The following PRL variants were observed in gnomAD, a reference collection of about 807,000 sequenced individuals.
The protein encoded by PRL is decidual prolactin.
PRL carries 24 observed loss-of-function variants against 21.3 expected under a neutral mutation model. The observed-to-expected ratio is 1.13, with a 90% confidence interval of 0.82 to 1.59. The LOEUF is 1.59. Ranked by LOEUF, PRL falls within the 40% of genes most tolerant of loss-of-function variation. The pLI, the probability that PRL is intolerant of heterozygous loss-of-function variation, is 0.00. For synonymous variants in PRL, 118 were observed against 115.7 expected (o/e 1.02, Z -0.13); for missense variants, 243 against 286.9 (o/e 0.85, Z 1.10).
chr6:22,294,983 G>T (rs1016953071), intron 1 of PRL, among the ~76,000 whole-genome samples: 4 of 151,900 alleles, frequency 2.6e-5, no homozygotes, highest in South Asian at 2.1e-4. Context: ...TTTTAACTAG[G>T]TGTGTCTGAT....
chr6:22,297,455 G>GA (rs2113517506), upstream of PRL: 1 of 154,842 alleles, frequency 6.5e-6, no homozygotes, highest in African/African-American at 2.4e-5. Context: ...GCTAGGTAAA[G>GA]ATTTTAAAAT....
chr6:22,297,809 G>A (rs1427849947), upstream of PRL, among the ~76,000 whole-genome samples: 1 of 152,206 alleles, frequency 6.6e-6, no homozygotes, highest in Non-Finnish European at 1.5e-5. Flanking sequence ...CAGTGCAAAA[G>A]TAATTGAGGT....
chr6:22,292,223 A>T (rs1345180879), intron 3 of PRL, among the ~76,000 whole-genome samples: 1 of 152,212 alleles, frequency 6.6e-6, no homozygotes, highest in Non-Finnish European at 1.5e-5. Context: ...ATGTATATTT[A>T]CTCACAGAAG....
At chr6:22,302,637 C>T (rs1299449914) in intron 1 of PRL, among the ~76,000 whole-genome samples, 1 of 152,040 alleles carries the variant, frequency 6.6e-6, no homozygotes, top group Non-Finnish European at 1.5e-5. Context: ...ACCAAAGAAA[C>T]AGAGAAATGT....
chr6:22,289,078 G>A (rs1760992738), intron 4 of PRL, among the ~76,000 whole-genome samples: 1 of 152,098 alleles, frequency 6.6e-6, no homozygotes, highest in African/African-American at 2.4e-5. Flanking sequence ...ACTTAAATAA[G>A]TGGTAGAGAA....
rs1165300996 is a variant in PRL, at chr6:22,292,589, G to A, written c.261C>T (p.His87=). The A allele has an allele frequency of 6.2e-7, 1 of 1,614,132 alleles. No homozygotes were observed. Among genetic ancestry groups the A allele is most frequent in the Non-Finnish European group, 8.5e-7 (1 of 1,180,022 alleles). Residue 87 remains histidine (H), a synonymous_variant, in exon 3 of 5, where the codon CAC becomes CAT. Transcript: ENST00000306482. ...CTTCGGGGGTGGCAAGGGAAGAAGT[G>A]TGGCAGCTGTTGATGGCCTTGGTAA... ...GFITKAINSC[H]TSSLATPEDK... is the part of the protein sequence containing the mutation.
chr6:22,289,116 A>C (rs1344222600), intron 4 of PRL, among the ~76,000 whole-genome samples: 2 of 152,212 alleles, frequency 1.3e-5, no homozygotes, highest in African/African-American at 4.8e-5. Context: ...AGTACTATAG[A>C]ACAAATTAGT....
Position 22,294,456 on chromosome 6 carries a change from G to A in PRL, c.157C>T (p.Leu53=). The A allele has an allele frequency of 6.2e-7, 1 of 1,614,206 alleles. No homozygotes were observed. The highest frequency in any genetic ancestry group is 8.5e-7 in the Non-Finnish European group (1 of 1,180,044). ...LRDLFDRAVV[L]SHYIHNLSSE... ...GAGAGGTTATGGATGTAGTGGGACA[G>A]GACGACGGCGCGGTCAAACAGGTCT... The change falls in exon 2 of 5, where the codon CTG becomes TTG. Residue 53 remains leucine (L), a synonymous_variant. Coordinates refer to ENST00000306482, the MANE Select transcript of PRL (RefSeq NM_000948.6).
upstream of PRL, among the ~76,000 whole-genome samples, chr6:22,301,241 A>G (rs1761276680): frequency 6.6e-6 from 1 of 152,172 alleles, no homozygotes; most frequent in African/African-American, 2.4e-5. Flanking sequence ...TCTGTTAATC[A>G]TCTCTTATTG....
chr6:22,294,092 C>T (rs928814884), intron 2 of PRL, among the ~76,000 whole-genome samples: 5 of 152,130 alleles, frequency 3.3e-5, no homozygotes, highest in African/African-American at 1.2e-4. Flanking sequence ...CATTCAAGAA[C>T]AAGAAATCAA....
At chr6:22,299,153 C>A (rs1369229588), upstream of PRL, among the ~76,000 whole-genome samples, 2 of 152,192 alleles carry the variant, frequency 1.3e-5, no homozygotes, top group African/African-American at 4.8e-5. Flanking sequence ...TCTTGCCAGG[C>A]TTTCTCTTTA....
chr6:22,293,046 A>G (rs1761087942), intron 2 of PRL, among the ~76,000 whole-genome samples: 1 of 152,208 alleles, frequency 6.6e-6, no homozygotes, highest in Non-Finnish European at 1.5e-5. Flanking sequence ...ATTTACATGT[A>G]TTCATTTAAT....
At chr6:22,289,079 T>C (rs1311971220) in intron 4 of PRL, among the ~76,000 whole-genome samples, 2 of 152,004 alleles carry the variant, frequency 1.3e-5, no homozygotes, top group Non-Finnish European at 2.9e-5. Flanking sequence ...CTTAAATAAG[T>C]GGTAGAGAAA....
intron 1 of PRL, among the ~76,000 whole-genome samples, chr6:22,296,144 A>G (rs954615274): frequency 2.6e-5 from 4 of 152,234 alleles, no homozygotes; most frequent in African/African-American, 9.6e-5. Context: ...ACAACTGGAT[A>G]GATGTTCTGT....
chr6:22,300,645 T>G (rs1174686080), upstream of PRL, among the ~76,000 whole-genome samples: 2 of 152,258 alleles, frequency 1.3e-5, no homozygotes, highest in Non-Finnish European at 2.9e-5. Flanking sequence ...GACATGCTTT[T>G]GTTTTTTTGG....
rs969078205 is a variant in PRL, at chr6:22,287,515, A to T, written c.571T>A (p.Ser191Thr). The stretch of plus-strand genomic sequence containing the variant: ...AGGTTATAATAAGCAGAAAGGCGAG[A>T]CTCTTCATCAGCCATCTGCAGGGAT... ...LPSLQMADEE[S>T]RLSAYYNLLH... The change falls in exon 5 of 5, where the codon TCT (serine) becomes ACT (threonine). Residue 191 changes from serine to threonine, a missense_variant. By Grantham distance (58) the Ser-to-Thr change is moderately conservative (BLOSUM62 1). Transcript: ENST00000306482. The T allele has an allele frequency of 1.2e-6, 2 of 1,613,946 alleles. No homozygotes were observed. The highest frequency in any genetic ancestry group is 1.7e-6 in the Non-Finnish European group (2 of 1,179,980).
rs1387200139 is a variant in PRL at position 22,287,560 on chromosome 6, G to C, written c.526C>G (p.Pro176Ala). The change falls in exon 5 of 5, where the codon CCT becomes GCT. Residue 176 changes from proline (P) to alanine (A), a missense_variant. Pro to Ala is a conservative substitution (Grantham distance 27). Transcript: ENST00000306482. ...AGGGATGGAAGTCCCGACCAGACAG[G>C]GTAGATCTCATTTTCTTTGGTTTCA... ...HPETKENEIY[P>A]VWSGLPSLQM... 1.2e-6 allele frequency: 2 copies of C among 1,609,390 alleles called. No individual in the cohort carries two copies. Among genetic ancestry groups the C allele is most frequent in the Admixed American group, 3.4e-5 (2 of 59,396 alleles).
intron 1 of PRL, among the ~76,000 whole-genome samples, chr6:22,302,625 G>A (rs1581392040): frequency 1.3e-5 from 2 of 152,094 alleles, no homozygotes; most frequent in East Asian, 3.9e-4. Flanking sequence ...CAGAAATGAA[G>A]AACCAAAGAA....
At chr6:22,291,365 A>C (rs1041654583) in intron 3 of PRL, among the ~76,000 whole-genome samples, 1 of 152,222 alleles carries the variant, frequency 6.6e-6, no homozygotes, top group African/African-American at 2.4e-5. Context: ...TGACTGGTGC[A>C]AATTCCATAA....
Sources: gnomAD v4.1 joint callset for allele counts (sites outside exome capture counted in the v4.1 genomes callset) on GRCh38, gnomAD v4.1.1 for gene constraint, MANE v1.5 for transcripts, NCBI Gene and HGNC (gene_info 2026-07-23, HGNC 2026-07-21) for gene names.